The following MCMDC2 variants were observed in gnomAD, a reference collection of about 807,000 sequenced individuals.
MCMDC2 encodes minichromosome maintenance domain containing 2, also known as minichromosome maintenance domain-containing protein 2.
Under a neutral mutation model 75.8 loss-of-function variants are expected in MCMDC2, and 54 were observed. The ratio of observed to expected loss-of-function variants is 0.71; its 90% confidence interval spans 0.57 to 0.89. The LOEUF is 0.89. MCMDC2 is among the 40% of genes least tolerant of loss of function. The pLI is 0.00. For synonymous variants in MCMDC2, 249 were observed against 274.6 expected, an observed-to-expected ratio of 0.91 and a Z score of 0.92; for missense variants, 656 against 780.4, an observed-to-expected ratio of 0.84 and a Z score of 1.90.
At chr8:66,906,536 G>A (rs537030390) in intron 14 of MCMDC2, among the ~76,000 whole-genome samples, 1 of 151,932 alleles carries the variant, frequency 6.6e-6, no homozygotes, top group South Asian at 2.1e-4. Context: ...ATGTACACAT[G>A]TGTGTGCCTT....
chr8:66,895,400 CTTTTT>C (rs34840665), intron 10 of MCMDC2, among the ~76,000 whole-genome samples: 1 of 136,350 alleles, frequency 7.3e-6, no homozygotes, highest in African/African-American at 2.7e-5. Flanking sequence ...TTCTTTCTTT[CTTTTT>C]TTTTTTTTTT....
chr8:66,890,974 A>G lies in MCMDC2; in HGVS notation c.1183A>G (p.Ile395Val), dbSNP rs561670232. The change falls in exon 10 of 15, where the codon ATT (isoleucine) becomes GTT (valine). Residue 395 changes from isoleucine (I) to valine (V), a missense_variant. Coordinates refer to ENST00000422365, the MANE Select transcript of MCMDC2 (RefSeq NM_173518.5). ...TAAGTATGGAACTGGAGCAGTTAGC[A>G]TTCAGGCTGGCAGTGCTTTGCTAGC... ...RNKYGTGAVS[I>V]QAGSALLAKG... The G allele has an allele frequency of 8.8e-5, 142 of 1,612,354 alleles. No individual in the cohort carries two copies. Among genetic ancestry groups the G allele is most frequent in the Admixed American group, 1.8e-4 (11 of 59,592 alleles).
intron 4 of MCMDC2, among the ~76,000 whole-genome samples, chr8:66,875,392 G>T (rs1336398039): frequency 1.3e-5 from 2 of 151,996 alleles, no homozygotes; most frequent in Non-Finnish European, 2.9e-5. Context: ...CAATTCTCCT[G>T]CCTCAGCCTC....
intron 10 of MCMDC2, among the ~76,000 whole-genome samples, chr8:66,894,761 C>T (rs1012942442): frequency 6.6e-6 from 1 of 152,178 alleles, no homozygotes; most frequent in Admixed American, 6.5e-5. Context: ...AGATTTCACA[C>T]ATCATACAAT....
At chr8:66,885,647 A>C (rs1345904173) in intron 9 of MCMDC2, among the ~76,000 whole-genome samples, 4 of 152,110 alleles carry the variant, frequency 2.6e-5, no homozygotes, top group Admixed American at 2.6e-4. Flanking sequence ...ACATACAGTG[A>C]AATAATCAGA....
At chr8:66,887,897 T>C (rs1811919666) in intron 9 of MCMDC2, among the ~76,000 whole-genome samples, 1 of 152,242 alleles carries the variant, frequency 6.6e-6, no homozygotes, top group African/African-American at 2.4e-5. Context: ...GAACTGGATG[T>C]AAATCTATTT....
intron 14 of MCMDC2, among the ~76,000 whole-genome samples, chr8:66,910,244 A>C (rs1167659992): frequency 6.6e-6 from 1 of 152,208 alleles, no homozygotes; most frequent in East Asian, 1.9e-4. Flanking sequence ...TGGACCTCCC[A>C]CACACATAGT....
chr8:66,892,013 G>A (rs534433244), intron 10 of MCMDC2, among the ~76,000 whole-genome samples: 2 of 152,354 alleles, frequency 1.3e-5, no homozygotes, highest in East Asian at 3.9e-4. Context: ...AGGGAAGCAT[G>A]CCACAGCTCT....
At chr8:66,870,994 C>T (rs933711851) in intron 1 of MCMDC2, among the ~76,000 whole-genome samples, 163 bp downstream of exon 1, 4 of 152,168 alleles carry the variant, frequency 2.6e-5, no homozygotes, top group Non-Finnish European at 4.4e-5. Context: ...TGACAGGGCA[C>T]GGAGAGAAGA....
Position 66,878,891 on chromosome 8 carries a change from G to T in MCMDC2, c.681G>T (p.Arg227Ser), listed in dbSNP as rs747184129. 4.4e-6 allele frequency: 7 copies of T among 1,608,622 alleles called. No homozygotes were observed. Among genetic ancestry groups the T allele is most frequent in the East Asian group, 2.2e-5 (1 of 44,730 alleles). ...FQGYSNNQPF[R>S]FQSLTIFLRD... ...GATATTCTAACAACCAGCCATTTAG[G>T]TTTCAATCACTTACAATTTTCCTAA... Residue 227 changes from arginine to serine, a missense_variant, in exon 7 of 15, where the codon AGG (arginine) becomes AGT (serine). By Grantham distance (110) the Arg-to-Ser change is moderately radical (BLOSUM62 -1). Transcript: ENST00000422365.
At chr8:66,883,626 T>C (rs1014770261) in intron 8 of MCMDC2, 131 bp from the exon 9 acceptor site, 1 of 604,320 alleles carries the variant, frequency 1.7e-6, no homozygotes, top group African/African-American at 1.9e-5. Flanking sequence ...AGATCCTGTC[T>C]CAAAAAAAAA....
chr8:66,901,610 A>T, intron 13 of MCMDC2: 1 of 1,128,618 alleles, frequency 8.9e-7, no homozygotes, highest in South Asian at 3.2e-5. Flanking sequence ...AAGTGCACTG[A>T]TTTCAAATGC....
chr8:66,890,913 A>G lies in MCMDC2; in HGVS notation c.1122A>G (p.Leu374=). Residue 374 remains leucine (L), a synonymous_variant, in exon 10 of 15, where the codon CTA becomes CTG. Coordinates refer to ENST00000422365, the MANE Select transcript of MCMDC2 (RefSeq NM_173518.5). ...INLVPRGIRH[L]VSTEIFPTLS... ...TTGTCCCCCGTGGTATACGTCATCT[A>G]GTCTCTACTGAAATTTTTCCCACTC... 1 of 1,613,768 alleles carries G rather than the reference A, an allele frequency of 6.2e-7. No homozygotes were observed. Among genetic ancestry groups the G allele is most frequent in the South Asian group, 1.1e-5 (1 of 90,924 alleles).
Position 66,896,275 on chromosome 8 carries a change from T to C in MCMDC2, c.1385T>C (p.Val462Ala). 3.7e-6 allele frequency: 6 copies of C among 1,611,746 alleles called. No individual in the cohort carries two copies. Among genetic ancestry groups the C allele is most frequent in the African/African-American group, 1.3e-5 (1 of 74,996 alleles). Residue 462 changes from valine (V) to alanine (A), a missense_variant, in exon 11 of 15, where the codon GTT becomes GCT. Val to Ala is a moderately conservative substitution (Grantham distance 64, BLOSUM62 0). Transcript: ENST00000422365. ...FPVQCSFWSF[V>A]DVDSSSRRNA... ...GTTCAGTGCAGTTTTTGGTCTTTTG[T>C]TGATGTGGATTCATCTTCAAGGAGA...
intron 1 of MCMDC2, among the ~76,000 whole-genome samples, 197 bp from the exon 2 acceptor site, chr8:66,873,856 C>T (rs1256455090): frequency 6.6e-6 from 1 of 151,576 alleles, no homozygotes; most frequent in African/African-American, 2.4e-5. Flanking sequence ...CACTGCACTC[C>T]AGCCTGGGCA....
intron 13 of MCMDC2, among the ~76,000 whole-genome samples, chr8:66,903,856 T>G (rs1812803072): frequency 1.3e-5 from 2 of 152,142 alleles, no homozygotes. Context: ...ATAATTACAT[T>G]TATAAATGAG....
chr8:66,874,791 G>A (rs568064571), intron 4 of MCMDC2, among the ~76,000 whole-genome samples: 7 of 150,604 alleles, frequency 4.6e-5, no homozygotes, highest in Admixed American at 2.0e-4. Context: ...ATGGAGTCTC[G>A]CTCTGTCGCC....
intron 13 of MCMDC2, among the ~76,000 whole-genome samples, chr8:66,903,030 G>C (rs1451002156): frequency 1.3e-5 from 2 of 151,372 alleles, no homozygotes; most frequent in Non-Finnish European, 2.9e-5. Flanking sequence ...TGTGACACAG[G>C]AGAATCACTT....
At chr8:66,883,079 AG>A (rs1371679834) in intron 8 of MCMDC2, among the ~76,000 whole-genome samples, 4 of 152,184 alleles carry the variant, frequency 2.6e-5, no homozygotes, top group Admixed American at 2.6e-4. Context: ...GAATGGGACT[AG>A]GTTATACATG....
Sources: gnomAD v4.1 joint callset for allele counts (sites outside exome capture counted in the v4.1 genomes callset) on GRCh38, gnomAD v4.1.1 for gene constraint, MANE v1.5 for transcripts, NCBI Gene and HGNC (gene_info 2026-07-23, HGNC 2026-07-21) for gene names.